The following PPP2R2B variants were observed in gnomAD, a reference collection of about 807,000 sequenced individuals.
The protein encoded by PPP2R2B is protein phosphatase 2 regulatory subunit Bbeta, also known as serine/threonine-protein phosphatase 2A 55 kDa regulatory subunit B beta isoform.
A neutral mutation model predicts 46.0 loss-of-function variants in PPP2R2B; 5 were observed. That is an observed-to-expected ratio of 0.11 (90% CI 0.06 to 0.23). PPP2R2B has a LOEUF of 0.23. PPP2R2B is among the 10% of genes least tolerant of loss of function. The probability of loss-of-function intolerance (pLI) is 1.00; values close to 1 mark genes in which losing one functional copy is unlikely to be tolerated. For missense variants in PPP2R2B, 367 were observed against 575.0 expected (o/e 0.64, Z 3.70); for synonymous variants, 215 against 206.7 (o/e 1.04, Z -0.34).
rs547047422 is a variant in PPP2R2B, at chr5:146,970,603, C to CA, written c.79+85061dup. The stretch of plus-strand genomic sequence containing the variant: ...ACAGAGGAGACTCAGTCTCAAAAAA[C>CA]AAAAAAAAGAAGAAGAAGAAGGGAA... On this transcript the variant is annotated intron_variant, in intron 1 of 8. Transcript: ENST00000336640. Among the ~76,000 whole-genome samples, 29 of 150,286 alleles carry CA rather than the reference C, an allele frequency of 1.9e-4. No individual in the cohort carries two copies. The East Asian group carries it at 2.2e-3, about 11-fold the overall frequency.
intron 1 of PPP2R2B, among the ~76,000 whole-genome samples, chr5:147,045,556 A>T (rs1460411646): frequency 2.0e-5 from 3 of 152,114 alleles, no homozygotes; most frequent in Non-Finnish European, 4.4e-5. Context: ...TCATTAAGCG[A>T]TGCATGACTG....
intron 2 of PPP2R2B, among the ~76,000 whole-genome samples, chr5:146,797,581 T>C (rs952313363): frequency 6.6e-6 from 1 of 152,230 alleles, no homozygotes; most frequent in Non-Finnish European, 1.5e-5. Flanking sequence ...TAACAAGGTA[T>C]ATTTGTAACC....
intron 2 of PPP2R2B, among the ~76,000 whole-genome samples, chr5:146,774,972 C>G (rs1048880738): frequency 6.6e-6 from 1 of 151,966 alleles, no homozygotes. Flanking sequence ...CTGTATCAAG[C>G]AAGGAAATGA....
intron 1 of PPP2R2B, among the ~76,000 whole-genome samples, chr5:146,914,043 T>C (rs1763285800): frequency 6.6e-6 from 1 of 152,120 alleles, no homozygotes; most frequent in Non-Finnish European, 1.5e-5. Context: ...ATATATGAAA[T>C]CACAACAACT....
rs73796092 is a variant in PPP2R2B at position 146,909,681 on chromosome 5, G to T, written c.79+145984C>A. On this transcript the variant is annotated intron_variant, in intron 1 of 8. Transcript: ENST00000336640. ...GCAGCTGCCACTGTGTTGCAAGCCC[G>T]CATGTCCTCTGTGTCACATCCTGTG... is the stretch of plus-strand genomic sequence containing the variant. Among the ~76,000 whole-genome samples, 5 of 152,292 alleles carry T rather than the reference G, an allele frequency of 3.3e-5. No homozygotes were observed. The East Asian group carries it at 9.7e-4, about 29-fold the overall frequency.
At chr5:146,728,343 CA>C (rs1752011858) in intron 2 of PPP2R2B, among the ~76,000 whole-genome samples, 1 of 151,892 alleles carries the variant, frequency 6.6e-6, no homozygotes, top group South Asian at 2.1e-4. Context: ...ACCTTTTCCC[CA>C]TGTTTAGTAA....
intron 1 of PPP2R2B, among the ~76,000 whole-genome samples, chr5:146,998,234 G>A (rs1241185002): frequency 1.3e-5 from 2 of 152,248 alleles, no homozygotes; most frequent in African/African-American, 4.8e-5. Context: ...AGAGTGAAGA[G>A]AAGTGAGGTA....
At chr5:146,597,925 C>T (rs543393469) in intron 8 of PPP2R2B, among the ~76,000 whole-genome samples, 2 of 152,350 alleles carry the variant, frequency 1.3e-5, no homozygotes, top group African/African-American at 4.8e-5. Flanking sequence ...TCCCCTCTGG[C>T]TTCCCCCAAG....
chr5:146,882,104 T>C (rs531397445), upstream of PPP2R2B, among the ~76,000 whole-genome samples: 3 of 152,020 alleles, frequency 2.0e-5, no homozygotes, highest in South Asian at 6.2e-4. Context: ...GGTGAAACCC[T>C]GTCTCTACTA....
Position 146,592,338 on chromosome 5 carries a change from A to G in PPP2R2B, c.1052+633T>C, listed in dbSNP as rs78905242. The G allele has an allele frequency of 2.6e-3, 559 of 216,502 alleles. 3 individuals are homozygous for G. Among genetic ancestry groups the G allele is most frequent in the African/African-American group, 0.013 (544 of 42,428 alleles). 13.4% of individuals were successfully genotyped at this position (216,502 alleles called of 1,614,324 possible). A position where few individuals can be genotyped will look rare whatever the true frequency, so the allele number is the denominator to read the frequency against. ...CAGAATTTCTATGCTTTCAAACACT[A>G]TTATTGGTGCCACCTTCATCAAGGA... On this transcript the variant is annotated intron_variant, in intron 9 of 9. Coordinates refer to ENST00000394411, the MANE Select transcript of PPP2R2B (RefSeq NM_181675.4).
intron 5 of PPP2R2B, among the ~76,000 whole-genome samples, chr5:146,654,707 T>C (rs913689733): frequency 5.3e-5 from 8 of 152,066 alleles, no homozygotes; most frequent in African/African-American, 1.7e-4. Flanking sequence ...GTAGCCAGGG[T>C]AGTTCTTGAA....
intron 4 of PPP2R2B, among the ~76,000 whole-genome samples, chr5:146,697,745 G>C (rs1240787933): frequency 6.6e-6 from 1 of 152,188 alleles, no homozygotes; most frequent in Admixed American, 6.5e-5. Flanking sequence ...GAAAACTGCA[G>C]ATAATGGGTC....
intron 2 of PPP2R2B, among the ~76,000 whole-genome samples, chr5:146,828,853 C>T (rs1198773393): frequency 1.3e-5 from 2 of 152,084 alleles, no homozygotes; most frequent in African/African-American, 2.4e-5. Context: ...CAAAAACATC[C>T]AGATGAGTTA....
intron 1 of PPP2R2B, among the ~76,000 whole-genome samples, chr5:147,012,364 A>G (rs1296103303): frequency 6.6e-6 from 1 of 152,040 alleles, no homozygotes; most frequent in Non-Finnish European, 1.5e-5. Flanking sequence ...GTTTATTTGC[A>G]TAGAGGTGTT....
intron 1 of PPP2R2B, among the ~76,000 whole-genome samples, chr5:146,979,099 G>T (rs953072733): frequency 2.0e-5 from 3 of 152,102 alleles, no homozygotes; most frequent in Admixed American, 1.3e-4. Flanking sequence ...CAGTAACATT[G>T]GTCTCCTTGC....
chr5:146,660,230 T>A (rs914853648), intron 5 of PPP2R2B, among the ~76,000 whole-genome samples: 1 of 152,210 alleles, frequency 6.6e-6, no homozygotes, highest in African/African-American at 2.4e-5. Flanking sequence ...GTACAATGAC[T>A]GTCAAATAAA....
chr5:147,052,384 G>A (rs991617504), intron 1 of PPP2R2B, among the ~76,000 whole-genome samples: 1 of 152,180 alleles, frequency 6.6e-6, no homozygotes, highest in Admixed American at 6.5e-5. Flanking sequence ...AGGTACAACA[G>A]TTACATGTGG....
Position 146,625,091 on chromosome 5 carries a change from TA to T in PPP2R2B, c.790+13159del, listed in dbSNP as rs1199767549. ...CAACAATAAACATTCGTTGAATAAA[TA>T]AGTAGCAGTTGATTACCTTTACTTC... is the stretch of plus-strand genomic sequence containing the variant. On this transcript the variant is annotated intron_variant, in intron 7 of 9. Transcript: ENST00000394411. 1.3e-5 allele frequency among the ~76,000 whole-genome samples: 2 copies of T among 152,236 alleles called. 1 individual carries two copies. The highest frequency in any genetic ancestry group is 2.9e-5 in the Non-Finnish European group (2 of 68,040).
chr5:146,983,680 A>G (rs908057664), intron 1 of PPP2R2B, among the ~76,000 whole-genome samples: 2 of 152,174 alleles, frequency 1.3e-5, no homozygotes, highest in Non-Finnish European at 2.9e-5. Context: ...TTAGAACCTC[A>G]TCAGACATTG....
Sources: allele counts gnomAD v4.1 joint callset (sites outside exome capture counted in the v4.1 genomes callset), GRCh38; gene constraint gnomAD v4.1.1; transcripts MANE v1.5; gene names NCBI Gene and HGNC (gene_info 2026-07-23, HGNC 2026-07-21).